Variants in DMD observed in about 807,000 individuals in gnomAD.
DMD encodes the protein dystrophin, also known as mutant dystrophin.
Under a neutral mutation model 330.1 loss-of-function variants are expected in DMD, and 63 were observed. The observed-to-expected ratio is 0.19, with a 90% confidence interval of 0.16 to 0.24. The LOEUF (loss-of-function observed/expected upper bound fraction) is 0.24. Among genes scored for constraint, DMD ranks in the 10% least tolerant of loss-of-function variants. The probability of loss-of-function intolerance (pLI) is 1.00; values close to 1 mark genes in which losing one functional copy is unlikely to be tolerated. For synonymous variants in DMD, 1,223 were observed against 959.8 expected, an observed-to-expected ratio of 1.27 and a Z score of -5.07; for missense variants, 3,344 against 2,684.1, an observed-to-expected ratio of 1.25 and a Z score of -5.43.
At position 31,162,356 on chromosome X, in the gene DMD, TAAAAAAAA is replaced by T. The variant is rs57908991; in HGVS notation, c.10553+7079_10553+7086del. On this transcript the variant is annotated intron_variant, in intron 74 of 78. Coordinates refer to ENST00000357033, the MANE Select transcript of DMD (RefSeq NM_004006.3). ...AGGATGAGGGTCTTCATGAAAAATC[TAAAAAAAA>T]AAAAAAAAAAAAAAGGGAAATTGGA... Among the ~76,000 whole-genome samples the T allele has an allele frequency of 3.8e-3, 192 of 50,620 alleles. 2 individuals are homozygous for T. The highest frequency in any genetic ancestry group is 0.012 in the African/African-American group (182 of 15,139). 44.0% of individuals were successfully genotyped at this position (50,620 alleles called of 115,157 possible).
intron 1 of DMD, among the ~76,000 whole-genome samples, chrX:33,031,292 T>C (rs1331124393): frequency 2.0e-5 from 2 of 100,721 alleles, no homozygotes; most frequent in Non-Finnish European, 3.9e-5. Flanking sequence ...AGTCTATGTA[T>C]TAAAAAGGAC....
intron 2 of DMD, among the ~76,000 whole-genome samples, chrX:32,894,252 T>A (rs113989786): frequency 3.3e-4 from 37 of 111,934 alleles, no homozygotes; most frequent in African/African-American, 1.1e-3. Context: ...TAACCCTCAA[T>A]AGCGAAGGCA....
intron 18 of DMD, among the ~76,000 whole-genome samples, chrX:32,502,694 T>A (rs192564199): frequency 8.9e-5 from 10 of 112,400 alleles, no homozygotes; most frequent in African/African-American, 2.9e-4. Flanking sequence ...GACTTAACAA[T>A]CATATTATAA....
intron 9 of DMD, among the ~76,000 whole-genome samples, chrX:32,647,090 T>A (rs1727395322): frequency 9.0e-6 from 1 of 111,414 alleles, no homozygotes; most frequent in African/African-American, 3.3e-5. Context: ...TGGAACCAGC[T>A]TCACGTTTGT....
At chrX:33,187,358 A>G (rs762270987) in intron 1 of DMD, among the ~76,000 whole-genome samples, 1 of 112,541 alleles carries the variant, frequency 8.9e-6, no homozygotes, top group Admixed American at 9.4e-5. Context: ...ATGATAGTAA[A>G]TGGTAATAAA....
At chrX:32,816,421 A>C in intron 6 of DMD, 47 bp downstream of exon 6, 1 of 1,191,022 alleles carries the variant, frequency 8.4e-7, no homozygotes, top group African/African-American at 1.7e-5. Flanking sequence ...ATCAGAGTCT[A>C]AATCACCACT....
At chrX:31,295,284 C>T (rs978931289) in intron 62 of DMD, among the ~76,000 whole-genome samples, 3 of 111,101 alleles carry the variant, frequency 2.7e-5, no homozygotes, top group Non-Finnish European at 5.7e-5. Flanking sequence ...TGTGAGCCAC[C>T]GCGCCCGGCC....
intron 54 of DMD, among the ~76,000 whole-genome samples, chrX:31,638,189 T>C (rs1438010645): frequency 2.7e-5 from 3 of 112,167 alleles, no homozygotes; most frequent in Non-Finnish European, 5.6e-5. Context: ...ATTAACCTGT[T>C]ATTTTGGCAA....
intron 62 of DMD, among the ~76,000 whole-genome samples, chrX:31,297,801 G>A (rs2054301374): frequency 8.9e-6 from 1 of 112,150 alleles, no homozygotes; most frequent in African/African-American, 3.2e-5. Context: ...AGAAAAGTGG[G>A]GAATGCATAT....
At chrX:32,311,271 G>A (rs755166539) in intron 41 of DMD, among the ~76,000 whole-genome samples, 7 of 110,924 alleles carry the variant, frequency 6.3e-5, no homozygotes, top group East Asian at 2.9e-4. Flanking sequence ...AAGTACAAAC[G>A]ATAAGCATGC....
chrX:31,747,508 T>G (rs957855876), intron 51 of DMD, among the ~76,000 whole-genome samples: 2 of 111,496 alleles, frequency 1.8e-5, no homozygotes, highest in African/African-American at 6.5e-5. Context: ...CTAATTCTTA[T>G]CATATAAAAA....
At chrX:31,835,730 G>C (rs112270965) in intron 49 of DMD, among the ~76,000 whole-genome samples, 3,466 of 111,529 alleles carry the variant, frequency 0.031, 55 homozygotes, top group Middle Eastern at 0.12. Flanking sequence ...AAGCGCAAGG[G>C]AAACTAAGCA....
At chrX:32,400,811 C>G (rs1220861540) in intron 30 of DMD, among the ~76,000 whole-genome samples, 1 of 107,390 alleles carries the variant, frequency 9.3e-6, no homozygotes, top group Non-Finnish European at 1.9e-5. Context: ...TACCATTTGA[C>G]CCAGCCATCC....
At chrX:31,839,036 C>G (rs2093262170) in intron 48 of DMD, among the ~76,000 whole-genome samples, 1 of 111,633 alleles carries the variant, frequency 9.0e-6, no homozygotes, top group South Asian at 3.7e-4. Context: ...GAAAAACATG[C>G]CCTACCTCTC....
At chrX:33,046,966 T>C (rs941589798) in intron 1 of DMD, among the ~76,000 whole-genome samples, 1 of 112,370 alleles carries the variant, frequency 8.9e-6, no homozygotes, top group Non-Finnish European at 1.9e-5. Flanking sequence ...GTAATGGCCA[T>C]AGTCCATATA....
intron 43 of DMD, among the ~76,000 whole-genome samples, chrX:32,280,546 T>C (rs753159415): frequency 9.0e-6 from 1 of 111,480 alleles, no homozygotes; most frequent in South Asian, 3.8e-4. Context: ...AGATTAATTC[T>C]AAGACTGCAA....
rs2058202110 is a variant in DMD, at chrX:32,624,333, G to A, written c.1332-9880C>T. ...GTCCTGACAGTAGGTATAGGCAAAA[G>A]CATATCAGGACATGATACTAGGAAC... On this transcript the variant is annotated intron_variant, in intron 11 of 78. Transcript: ENST00000357033. Among the ~76,000 whole-genome samples the A allele has an allele frequency of 1.8e-5, 2 of 111,550 alleles. 1 individual carries two copies. Among genetic ancestry groups the A allele is most frequent in the South Asian group, 7.5e-4 (2 of 2,664 alleles).
chrX:33,010,283 T>A (rs1486767248), intron 2 of DMD, among the ~76,000 whole-genome samples: 2 of 108,550 alleles, frequency 1.8e-5, no homozygotes, highest in East Asian at 5.9e-4. Context: ...TATGTACATA[T>A]ATGTGTGTAA....
intron 44 of DMD, among the ~76,000 whole-genome samples, chrX:32,077,202 T>A (rs769184734): frequency 9.0e-6 from 1 of 110,840 alleles, no homozygotes; most frequent in African/African-American, 3.3e-5. Context: ...ATCATCAAGG[T>A]TCTGTTTTTA....
Sources: gnomAD v4.1 joint callset for allele counts (sites outside exome capture counted in the v4.1 genomes callset) on GRCh38, gnomAD v4.1.1 for gene constraint, MANE v1.5 for transcripts, NCBI Gene and HGNC (gene_info 2026-07-23, HGNC 2026-07-21) for gene names.